FOXN3: variants seen among roughly 807,000 people sequenced by gnomAD.
FOXN3 encodes the protein forkhead box protein N3.
In FOXN3, 7 loss-of-function variants were observed where a neutral mutation model predicts 38.4. The observed-to-expected ratio is 0.18, with a 90% CI of 0.10 to 0.34. The LOEUF (loss-of-function observed/expected upper bound fraction) is 0.34, where lower values mean the gene tolerates loss of function less well. Among genes scored for constraint, FOXN3 ranks in the 10% least tolerant of loss-of-function variants. The pLI is 1.00. For synonymous variants in FOXN3, 230 were observed against 242.2 expected, an observed-to-expected ratio of 0.95 and a Z score of 0.47; for missense variants, 456 against 613.4, an observed-to-expected ratio of 0.74 and a Z score of 2.71.
At chr14:89,363,956 A>ATATATATATATATATATAT (rs1889998433) in intron 2 of FOXN3, among the ~76,000 whole-genome samples, 1 of 2,840 alleles carries the variant, frequency 3.5e-4, no homozygotes, top group African/African-American at 4.4e-4. Context: ...AAATATATAT[A>ATATATATATATATATATAT]TATATATATA....
intron 1 of FOXN3, among the ~76,000 whole-genome samples, chr14:89,521,304 T>C (rs1020222033): frequency 1.3e-5 from 2 of 148,408 alleles, no homozygotes; most frequent in African/African-American, 5.0e-5. Flanking sequence ...GCAGGCTCCA[T>C]CTAAAAAAAA....
chr14:89,355,149 A>G (rs1168918950), intron 2 of FOXN3: 1 of 151,684 alleles, frequency 6.6e-6, no homozygotes, highest in African/African-American at 2.4e-5. Context: ...CAATGCACAA[A>G]AAGAAAAGCA....
intron 3 of FOXN3, among the ~76,000 whole-genome samples, chr14:89,292,291 T>C (rs1886898860): frequency 1.3e-5 from 2 of 152,136 alleles, no homozygotes; most frequent in Non-Finnish European, 1.5e-5. Context: ...TAAACTGGTG[T>C]CCAAGTCCTC....
At chr14:89,543,581 T>C (rs1291999157) in intron 1 of FOXN3, among the ~76,000 whole-genome samples, 1 of 152,340 alleles carries the variant, frequency 6.6e-6, no homozygotes, top group East Asian at 1.9e-4. Flanking sequence ...AGAAAATCTA[T>C]TCCTCCGGCA....
intron 2 of FOXN3, among the ~76,000 whole-genome samples, chr14:89,371,833 AC>A (rs748412772): frequency 2.6e-5 from 4 of 151,432 alleles, no homozygotes; most frequent in Non-Finnish European, 4.4e-5. Context: ...AAAGACCATG[AC>A]CCCCACCAGA....
chr14:89,284,174 A>T (rs2139922484), intron 3 of FOXN3, among the ~76,000 whole-genome samples: 1 of 149,180 alleles, frequency 6.7e-6, no homozygotes, highest in South Asian at 2.1e-4. Flanking sequence ...TGACCCATCC[A>T]TTTTTTTTTT....
intron 1 of FOXN3, among the ~76,000 whole-genome samples, chr14:89,557,148 G>A (rs1401409319): frequency 6.6e-6 from 1 of 152,164 alleles, no homozygotes; most frequent in Non-Finnish European, 1.5e-5. Flanking sequence ...GGCCAGTATG[G>A]CCAGAACATA....
At chr14:89,190,564 C>T (rs568098093) in intron 4 of FOXN3, 41 of 738,374 alleles carry the variant, frequency 5.6e-5, no homozygotes, top group Non-Finnish European at 8.7e-5. Context: ...AAATATCCAG[C>T]AACTGGATGA....
chr14:89,349,350 A>T (rs980491562), intron 3 of FOXN3, among the ~76,000 whole-genome samples: 11 of 152,228 alleles, frequency 7.2e-5, no homozygotes, highest in Non-Finnish European at 2.9e-5. Flanking sequence ...CGAATAAAGT[A>T]TGCTTCCACT....
chr14:89,173,644 A>C (rs1887446942), intron 5 of FOXN3, among the ~76,000 whole-genome samples: 1 of 152,190 alleles, frequency 6.6e-6, no homozygotes, highest in Non-Finnish European at 1.5e-5. Context: ...GAAACCTAAT[A>C]TGAGTTTTTA....
At chr14:89,512,085 G>A (rs938223245) in intron 1 of FOXN3, among the ~76,000 whole-genome samples, 5 of 151,556 alleles carry the variant, frequency 3.3e-5, no homozygotes, top group Admixed American at 6.6e-5. Flanking sequence ...AGGACAGTTT[G>A]CTGCTTTCTC....
rs58288291 is a variant in FOXN3, at chr14:89,604,206, AACACACACACAC to A, written c.-15+14810_-15+14821del. Reference sequence around the variant, plus strand: ...AGTTTCCAAAAACAAAGCAAAACAAAACACACACACACACACACACACACACACACACACGTG... The same window carrying A: ...AGTTTCCAAAAACAAAGCAAAACAAAACACACACACACACACACACACGTG... On this transcript the variant is annotated intron_variant, in intron 1 of 6. Coordinates refer to the FOXN3 transcript ENST00000345097. 4.1e-3 allele frequency among the ~76,000 whole-genome samples: 607 copies of A among 146,888 alleles called. 7 individuals are homozygous for A. Among genetic ancestry groups the A allele is most frequent in the African/African-American group, 0.015 (588 of 39,788 alleles).
chr14:89,499,465 G>T (rs1893751831), intron 1 of FOXN3, among the ~76,000 whole-genome samples: 2 of 146,570 alleles, frequency 1.4e-5, no homozygotes, highest in South Asian at 2.1e-4. Context: ...TTTTGATTTT[G>T]ATTTTTTTTT....
At chr14:89,597,448 T>C (rs1896080052) in intron 1 of FOXN3, among the ~76,000 whole-genome samples, 1 of 152,186 alleles carries the variant, frequency 6.6e-6, no homozygotes, top group Non-Finnish European at 1.5e-5. Context: ...ATTTGTTGAG[T>C]GCAATGTTTT....
chr14:89,498,501 G>A (rs534632850), intron 1 of FOXN3, among the ~76,000 whole-genome samples: 40 of 152,114 alleles, frequency 2.6e-4, no homozygotes, highest in African/African-American at 5.3e-4. Context: ...GATTACAGGC[G>A]TGAGCCACCG....
intron 3 of FOXN3, chr14:89,291,006 G>C (rs959317861): frequency 2.2e-6 from 1 of 448,742 alleles, no homozygotes. Context: ...GAGGCCCGTG[G>C]TGTGGTGCTC....
At chr14:89,392,598 C>T (rs1480979885) in intron 2 of FOXN3, among the ~76,000 whole-genome samples, 1 of 151,414 alleles carries the variant, frequency 6.6e-6, no homozygotes, top group African/African-American at 2.4e-5. Context: ...CCCTCACACT[C>T]ACACGGTGCT....
At chr14:89,504,539 G>A (rs888628591) in intron 1 of FOXN3, among the ~76,000 whole-genome samples, 22 of 150,894 alleles carry the variant, frequency 1.5e-4, no homozygotes, top group African/African-American at 5.4e-4. Flanking sequence ...CTTCCCAGGG[G>A]CATTAGAGAA....
At chr14:89,515,974 C>G (rs1894191611) in intron 1 of FOXN3, among the ~76,000 whole-genome samples, 1 of 152,098 alleles carries the variant, frequency 6.6e-6, no homozygotes, top group Non-Finnish European at 1.5e-5. Context: ...TCTGCCAGGG[C>G]TTTGGTCAAA....
Sources: gnomAD v4.1 joint callset for allele counts (sites outside exome capture counted in the v4.1 genomes callset) on GRCh38, gnomAD v4.1.1 for gene constraint, MANE v1.5 for transcripts, NCBI Gene and HGNC (gene_info 2026-07-23, HGNC 2026-07-21) for gene names.